Variants in LRRC28 observed in about 807,000 individuals in gnomAD.
LRRC28 encodes leucine rich repeat containing 28, also known as leucine-rich repeat-containing protein 28.
LRRC28 carries 39 observed loss-of-function variants against 45.7 expected under a neutral mutation model. That is an observed-to-expected ratio of 0.85 (90% CI 0.66 to 1.12). The LOEUF is 1.12. LRRC28 is among the 50% of genes most tolerant of loss of function. The pLI, the probability that LRRC28 is intolerant of heterozygous loss-of-function variation, is 0.00. For synonymous variants in LRRC28, 206 were observed against 178.8 expected (o/e 1.15, Z -1.22); for missense variants, 435 against 438.5 (o/e 0.99, Z 0.07).
intron 9 of LRRC28, among the ~76,000 whole-genome samples, chr15:99,374,445 A>G (rs1957567310): frequency 6.6e-6 from 1 of 152,162 alleles, no homozygotes; most frequent in Non-Finnish European, 1.5e-5. Flanking sequence ...TTTCGACTGT[A>G]TATCTTACAG....
intron 9 of LRRC28, among the ~76,000 whole-genome samples, chr15:99,363,936 GA>G (rs1167107159): frequency 6.6e-6 from 1 of 152,000 alleles, no homozygotes; most frequent in Non-Finnish European, 1.5e-5. Context: ...TTCTAAGTTT[GA>G]ATTTTTTAAG....
At chr15:99,311,445 T>C (rs1304140374) in intron 5 of LRRC28, among the ~76,000 whole-genome samples, 1 of 152,236 alleles carries the variant, frequency 6.6e-6, no homozygotes, top group Non-Finnish European at 1.5e-5. Flanking sequence ...TATTGTTCAA[T>C]TTCCAAGTGT....
intron 9 of LRRC28, among the ~76,000 whole-genome samples, chr15:99,371,524 T>C (rs1002872843): frequency 6.6e-6 from 1 of 152,222 alleles, no homozygotes; most frequent in Non-Finnish European, 1.5e-5. Context: ...TAAAATAAGC[T>C]CTTTTATATA....
chr15:99,374,486 G>T lies in LRRC28; in HGVS notation c.1031+11221G>T, dbSNP rs527275774. Reference sequence around the variant, plus strand: ...CTGAACTGGCATATTAGTTCTAGGAGTATTTTTTGTAGATGCCTTGGGATT... The same window carrying T: ...CTGAACTGGCATATTAGTTCTAGGATTATTTTTTGTAGATGCCTTGGGATT... On this transcript the variant is annotated intron_variant, in intron 9 of 9. Coordinates refer to ENST00000301981, the MANE Select transcript of LRRC28 (RefSeq NM_144598.5). Among the ~76,000 whole-genome samples the T allele has an allele frequency of 6.6e-5, 10 of 152,266 alleles. No homozygotes were observed. In the East Asian group the frequency reaches 1.9e-3, roughly 29 times the overall value.
At chr15:99,332,330 G>C (rs1335638189) in intron 5 of LRRC28, among the ~76,000 whole-genome samples, 28 of 152,088 alleles carry the variant, frequency 1.8e-4, no homozygotes, top group Non-Finnish European at 1.0e-4. Flanking sequence ...AATCCTACCT[G>C]CCCGCTCCAC....
At chr15:99,350,005 G>A (rs1297472100) in intron 6 of LRRC28, among the ~76,000 whole-genome samples, 1 of 151,328 alleles carries the variant, frequency 6.6e-6, no homozygotes, top group Middle Eastern at 3.2e-3. Context: ...GCGCGGTGGC[G>A]GGCGCCTGTA....
chr15:99,282,858 C>T (rs966663634), intron 3 of LRRC28, among the ~76,000 whole-genome samples: 2 of 152,200 alleles, frequency 1.3e-5, no homozygotes, highest in African/African-American at 4.8e-5. Flanking sequence ...TGTTGTTATT[C>T]ATCCTGACTG....
chr15:99,298,501 C>A (rs988196136), intron 5 of LRRC28, among the ~76,000 whole-genome samples: 3 of 152,142 alleles, frequency 2.0e-5, no homozygotes, highest in Admixed American at 2.0e-4. Flanking sequence ...ACTATTACCC[C>A]AGTTTAAAAC....
chr15:99,346,185 CATTT>C (rs895248936), intron 6 of LRRC28, among the ~76,000 whole-genome samples: 11 of 151,440 alleles, frequency 7.3e-5, no homozygotes, highest in East Asian at 3.9e-4. Flanking sequence ...TTCATTCATT[CATTT>C]GTTTTGAGAC....
chr15:99,259,086 A>G (rs1446801539), intron 2 of LRRC28: 8 of 1,145,298 alleles, frequency 7.0e-6, no homozygotes, highest in South Asian at 1.2e-5. Flanking sequence ...TTTGGTACCA[A>G]CATTAAGCTT....
intron 7 of LRRC28, among the ~76,000 whole-genome samples, chr15:99,353,043 G>C (rs1956934981): frequency 6.6e-6 from 1 of 152,138 alleles, no homozygotes; most frequent in Non-Finnish European, 1.5e-5. Flanking sequence ...TTTATTTTCA[G>C]AGCAGCAATA....
At chr15:99,356,108 C>T (rs111977023) in intron 7 of LRRC28, among the ~76,000 whole-genome samples, 1 of 152,178 alleles carries the variant, frequency 6.6e-6, no homozygotes, top group Non-Finnish European at 1.5e-5. Context: ...ATATTAATTA[C>T]GTTTAAGTGT....
chr15:99,364,085 C>T (rs1957279574), intron 9 of LRRC28, among the ~76,000 whole-genome samples: 1 of 152,148 alleles, frequency 6.6e-6, no homozygotes, highest in African/African-American at 2.4e-5. Flanking sequence ...ATAGAAACCT[C>T]TCCAAGATTT....
At chr15:99,337,660 C>T (rs991997542) in intron 6 of LRRC28, among the ~76,000 whole-genome samples, 2 of 152,194 alleles carry the variant, frequency 1.3e-5, no homozygotes, top group African/African-American at 4.8e-5. Context: ...TGTCAAAGAA[C>T]TTTAGAGGCA....
intron 9 of LRRC28, among the ~76,000 whole-genome samples, chr15:99,381,125 GT>G (rs1204296244): frequency 5.9e-5 from 9 of 152,246 alleles, no homozygotes; most frequent in Non-Finnish European, 1.2e-4. Context: ...CCTGCAGAGT[GT>G]TTTTCAGCTT....
chr15:99,366,832 G>A (rs1297941389), intron 9 of LRRC28, among the ~76,000 whole-genome samples: 1 of 152,076 alleles, frequency 6.6e-6, no homozygotes, highest in Non-Finnish European at 1.5e-5. Context: ...CAGGAATTTT[G>A]GGGGCTATAC....
chr15:99,302,903 A>G (rs1321643432), intron 5 of LRRC28, among the ~76,000 whole-genome samples: 1 of 152,172 alleles, frequency 6.6e-6, no homozygotes, highest in Non-Finnish European at 1.5e-5. Context: ...TGGTTTATTC[A>G]TCAGTTGTTT....
intron 6 of LRRC28, among the ~76,000 whole-genome samples, chr15:99,347,709 G>A (rs973771802): frequency 2.0e-5 from 3 of 152,082 alleles, no homozygotes; most frequent in Admixed American, 6.5e-5. Flanking sequence ...CCATATCTTG[G>A]ATGTGGTGAA....
At chr15:99,287,351 T>C in intron 4 of LRRC28, 57 bp downstream of exon 4, 1 of 1,277,372 alleles carries the variant, frequency 7.8e-7, no homozygotes. Context: ...CTTTGCTTTA[T>C]AAATAGATCA....
Sources: allele counts gnomAD v4.1 joint callset (sites outside exome capture counted in the v4.1 genomes callset), GRCh38; gene constraint gnomAD v4.1.1; transcripts MANE v1.5; gene names NCBI Gene and HGNC (gene_info 2026-07-23, HGNC 2026-07-21).